MAMLD1: variants seen among roughly 807,000 people sequenced by gnomAD.
The protein encoded by MAMLD1 is mastermind like domain containing 1.
A neutral mutation model predicts 45.0 loss-of-function variants in MAMLD1; 14 were observed. That is an observed-to-expected ratio of 0.31 (90% CI 0.21 to 0.49). The LOEUF (loss-of-function observed/expected upper bound fraction) is 0.49. Ranked by LOEUF, MAMLD1 falls within the 20% of genes least tolerant of loss-of-function variation. The pLI is 0.99. For missense variants in MAMLD1, 543 were observed against 603.6 expected, an observed-to-expected ratio of 0.90 and a Z score of 1.05; for synonymous variants, 254 against 247.8, an observed-to-expected ratio of 1.02 and a Z score of -0.24.
rs1209567895 is a variant in MAMLD1, at chrX:150,435,244, G to A, written c.-63-10210G>A. Among the ~76,000 whole-genome samples the A allele has an allele frequency of 6.3e-5, 7 of 111,587 alleles. No individual in the cohort carries two copies. The Admixed American group carries it at 6.6e-4, about 11-fold the overall frequency. ...AGAATAGCAACCCCTGGCCAGGCACGGTGGCTCACATCTGTAATCCCAGCA... is the reference window on the plus strand; with the variant it reads ...AGAATAGCAACCCCTGGCCAGGCACAGTGGCTCACATCTGTAATCCCAGCA... On this transcript the variant is annotated intron_variant, in intron 1 of 7. Transcript: ENST00000370401.
intron 5 of MAMLD1, among the ~76,000 whole-genome samples, chrX:150,501,652 A>G (rs1422657207): frequency 8.9e-6 from 1 of 112,472 alleles, no homozygotes. Flanking sequence ...GGTGGGCATG[A>G]GTCATCTCTA....
chrX:150,432,846 C>A (rs781941421), intron 1 of MAMLD1, among the ~76,000 whole-genome samples: 2 of 112,282 alleles, frequency 1.8e-5, no homozygotes, highest in South Asian at 7.3e-4. Flanking sequence ...AGTTTGGTAA[C>A]ATGATGCCTC....
At position 150,457,821 on chromosome X, in the gene MAMLD1, T is replaced by C. The variant is rs781798328; in HGVS notation, c.97-4951T>C. ...TAAATGTGTTGCCAGGAGCTGGGGGTTTCCATTTGGGATGATGAAAAAGTT... is the reference window on the plus strand; with the variant it reads ...TAAATGTGTTGCCAGGAGCTGGGGGCTTCCATTTGGGATGATGAAAAAGTT... On this transcript the variant is annotated intron_variant, in intron 2 of 7. Transcript: ENST00000370401. 1.6e-4 allele frequency among the ~76,000 whole-genome samples: 18 copies of C among 111,615 alleles called. 1 individual carries two copies. The East Asian group carries it at 5.1e-3, about 31-fold the overall frequency.
At position 150,470,781 on chromosome X, in the gene MAMLD1, T is replaced by C. The variant is rs2148300321; in HGVS notation, c.1208T>C (p.Met403Thr). ...AGCAATGCTGCCCTGGGGCCCGCCA[T>C]GCCCTATGCTCCTGAGAAGCTCCCC... ...SSSNAALGPAMPYAPEKLPSP... is the reference protein window; with the variant it reads ...SSSNAALGPATPYAPEKLPSP... The change falls in exon 4 of 8, where the codon ATG becomes ACG. Residue 403 changes from methionine to threonine, a missense_variant. Transcript: ENST00000370401. The C allele has an allele frequency of 8.3e-7, 1 of 1,212,103 alleles. No individual in the cohort carries two copies. Among genetic ancestry groups the C allele is most frequent in the East Asian group, 3.0e-5 (1 of 33,860 alleles).
At chrX:150,487,932 T>C (rs782165268) in intron 5 of MAMLD1, among the ~76,000 whole-genome samples, 2 of 113,032 alleles carry the variant, frequency 1.8e-5, no homozygotes, top group African/African-American at 3.2e-5. Flanking sequence ...ACAAGTGCTA[T>C]CAAAGGCAGA....
In MAMLD1 at chrX:150,410,540, A is replaced by G. The variant is rs782411200; in HGVS notation, c.-63-34914A>G. ...TGTTTCACTCCATCCAGCAGCTATC[A>G]TCACAGTGGCCAGGTTTCCCTCTGC... is the stretch of plus-strand genomic sequence containing the variant. On this transcript the variant is annotated intron_variant, in intron 1 of 7. Transcript: ENST00000370401. Among the ~76,000 whole-genome samples, 132 of 111,931 alleles carry G rather than the reference A, an allele frequency of 1.2e-3. No individual in the cohort carries two copies. In the Middle Eastern group the frequency reaches 0.014, roughly 12 times the overall value.
At chrX:150,464,535 C>T (rs1182131637) in intron 3 of MAMLD1, among the ~76,000 whole-genome samples, 1 of 112,334 alleles carries the variant, frequency 8.9e-6, no homozygotes, top group Admixed American at 9.4e-5. Context: ...TCCCCAAATA[C>T]AGGCATTGAT....
chrX:150,472,772 T>C (rs1254212077), intron 4 of MAMLD1, among the ~76,000 whole-genome samples: 2 of 111,882 alleles, frequency 1.8e-5, no homozygotes, highest in Non-Finnish European at 3.8e-5. Flanking sequence ...ATTCATGAGA[T>C]GTAAGCCAGA....
chrX:150,388,994 C>T (rs965089968), intron 1 of MAMLD1, among the ~76,000 whole-genome samples: 1 of 111,796 alleles, frequency 8.9e-6, no homozygotes, highest in African/African-American at 3.3e-5. Flanking sequence ...CCCAACTCTG[C>T]GTTAGCCATG....
chrX:150,369,781 C>T (rs1373057438), intron 1 of MAMLD1, among the ~76,000 whole-genome samples: 11 of 111,180 alleles, frequency 9.9e-5, no homozygotes, highest in East Asian at 2.9e-4. Context: ...TCCACACACA[C>T]GTGCACCACT....
intron 2 of MAMLD1, among the ~76,000 whole-genome samples, chrX:150,451,108 T>A (rs782595421): frequency 8.9e-6 from 1 of 112,624 alleles, no homozygotes; most frequent in Admixed American, 9.3e-5. Context: ...GGTAAACCAG[T>A]GACCTGCAAA....
At chrX:150,463,240 A>G (rs1286407702) in intron 3 of MAMLD1, among the ~76,000 whole-genome samples, 1 of 111,994 alleles carries the variant, frequency 8.9e-6, no homozygotes, top group Non-Finnish European at 1.9e-5. Context: ...CACCAAATCC[A>G]TCCAGATGTT....
At chrX:150,435,300 G>A (rs1385978578) in intron 1 of MAMLD1, among the ~76,000 whole-genome samples, 1 of 111,230 alleles carries the variant, frequency 9.0e-6, no homozygotes, top group African/African-American at 3.3e-5. Context: ...TGGATCATGA[G>A]GTCAGGAGTT....
At chrX:150,498,130 G>A (rs970154549) in intron 5 of MAMLD1, among the ~76,000 whole-genome samples, 1 of 110,886 alleles carries the variant, frequency 9.0e-6, no homozygotes, top group Non-Finnish European at 1.9e-5. Flanking sequence ...CCAAAACACA[G>A]GTCCTGCTGA....
chrX:150,418,120 G>A (rs1208828779), intron 1 of MAMLD1, among the ~76,000 whole-genome samples: 1 of 111,738 alleles, frequency 8.9e-6, no homozygotes, highest in Non-Finnish European at 1.9e-5. Context: ...TTCAGCTCCT[G>A]TTATTGGTCT....
In MAMLD1 at chrX:150,373,642, C is replaced by T. The variant is rs1338176249; in HGVS notation, c.-64+10112C>T. On this transcript the variant is annotated intron_variant, in intron 1 of 7. Transcript: ENST00000370401. Reference sequence around the variant, plus strand: ...AGCCATGCCTTTGGCTGCCAAATCCCGAGCAAATCGAGTTTAGGTTCAGTA... The same window carrying T: ...AGCCATGCCTTTGGCTGCCAAATCCTGAGCAAATCGAGTTTAGGTTCAGTA... 1.8e-4 allele frequency among the ~76,000 whole-genome samples: 20 copies of T among 111,522 alleles called. 1 individual carries two copies. The Admixed American group carries it at 1.8e-3, about 10-fold the overall frequency.
intron 2 of MAMLD1, among the ~76,000 whole-genome samples, chrX:150,449,718 C>G (rs960910266): frequency 9.0e-6 from 1 of 111,186 alleles, no homozygotes; most frequent in South Asian, 3.9e-4. Context: ...TGCCACATTT[C>G]CAGGGTCCCT....
At chrX:150,498,385 A>G (rs1161634774) in intron 5 of MAMLD1, among the ~76,000 whole-genome samples, 7 of 111,556 alleles carry the variant, frequency 6.3e-5, no homozygotes, top group African/African-American at 2.3e-4. Context: ...CCTTTTGCAG[A>G]TGAGAAAATT....
chrX:150,417,088 C>T (rs1391390278), intron 1 of MAMLD1, among the ~76,000 whole-genome samples: 1 of 109,968 alleles, frequency 9.1e-6, no homozygotes, highest in Admixed American at 9.7e-5. Flanking sequence ...TATACATGTG[C>T]CATGCTGGTG....
Sources: allele counts gnomAD v4.1 joint callset (sites outside exome capture counted in the v4.1 genomes callset), GRCh38; gene constraint gnomAD v4.1.1; transcripts MANE v1.5; gene names NCBI Gene and HGNC (gene_info 2026-07-23, HGNC 2026-07-21).